Variants in PDK3 observed in about 807,000 individuals in gnomAD.
The protein encoded by PDK3 is pyruvate dehydrogenase kinase 3.
PDK3 carries 12 observed loss-of-function variants against 32.0 expected under a neutral mutation model. That is an observed-to-expected ratio of 0.37 (90% CI 0.24 to 0.61). PDK3 has a LOEUF of 0.61. PDK3 is among the 20% of genes least tolerant of loss of function. PDK3 has a pLI of 0.65. For missense variants in PDK3, 188 were observed against 316.9 expected, an observed-to-expected ratio of 0.59 and a Z score of 3.09; for synonymous variants, 122 against 116.3, an observed-to-expected ratio of 1.05 and a Z score of -0.31.
intron 1 of PDK3, among the ~76,000 whole-genome samples, chrX:24,492,180 T>A (rs1042503984): frequency 8.9e-6 from 1 of 112,417 alleles, no homozygotes; most frequent in African/African-American, 3.2e-5. Flanking sequence ...TTATTGCATT[T>A]AAAATTAAAA....
chrX:24,501,486 G>A lies in PDK3; in HGVS notation c.321-1841G>A, dbSNP rs776689845. 7.1e-5 allele frequency among the ~76,000 whole-genome samples: 8 copies of A among 112,856 alleles called. No homozygotes were observed. In the South Asian group the frequency reaches 2.5e-3, roughly 36 times the overall value. On this transcript the variant is annotated intron_variant, in intron 3 of 10. Transcript: ENST00000379162. ...CCCAGCACTTTGGGAGGCCAAGGCG[G>A]GCGGATCACCTGAGGCCAGGAGTTC... is the stretch of plus-strand genomic sequence containing the variant.
intron 2 of PDK3, 134 bp downstream of exon 2, chrX:24,495,017 C>A: frequency 4.0e-6 from 2 of 499,421 alleles, no homozygotes; most frequent in Non-Finnish European, 6.5e-6. Context: ...CTGGGTTTTC[C>A]ATGCAATTAA....
intron 3 of PDK3, 35 bp downstream of exon 3, chrX:24,498,935 AT>A: frequency 1.2e-6 from 1 of 857,041 alleles, no homozygotes; most frequent in Non-Finnish European, 1.6e-6. Flanking sequence ...AAGTAAAAAT[AT>A]CTAGGTAAGA....
At position 24,499,698 on chromosome X, in the gene PDK3, A is replaced by G. The variant is rs143508783; in HGVS notation, c.320+798A>G. Among the ~76,000 whole-genome samples the G allele has an allele frequency of 7.1e-3, 794 of 112,291 alleles. 4 individuals carry two copies. Among genetic ancestry groups the G allele is most frequent in the Non-Finnish European group, 0.013 (674 of 53,278 alleles). On this transcript the variant is annotated intron_variant, in intron 3 of 10. Coordinates refer to ENST00000379162, the MANE Select transcript of PDK3 (RefSeq NM_005391.5). ...TTAACCCAGTCCTCTCAATCCACAGATAAGGAAACTGAGTTCAGAGATGTG... is the reference window on the plus strand; with the variant it reads ...TTAACCCAGTCCTCTCAATCCACAGGTAAGGAAACTGAGTTCAGAGATGTG...
intron 3 of PDK3, among the ~76,000 whole-genome samples, chrX:24,499,697 G>T (rs1481522991): frequency 8.9e-6 from 1 of 112,119 alleles, no homozygotes; most frequent in African/African-American, 3.2e-5. Context: ...TCAATCCACA[G>T]ATAAGGAAAC....
chrX:24,516,528 C>T (rs967699829), intron 5 of PDK3, among the ~76,000 whole-genome samples: 1 of 111,642 alleles, frequency 9.0e-6, no homozygotes, highest in African/African-American at 3.3e-5. Context: ...AAATGAGATC[C>T]TGATACATGC....
chrX:24,525,246 G>A (rs899006790), intron 6 of PDK3, among the ~76,000 whole-genome samples: 5 of 111,536 alleles, frequency 4.5e-5, no homozygotes, highest in African/African-American at 1.3e-4. Context: ...GTCTGGTTTC[G>A]GTGCCACTTC....
chrX:24,536,978 T>G (rs1208951057), downstream of PDK3, among the ~76,000 whole-genome samples: 1 of 111,655 alleles, frequency 9.0e-6, no homozygotes, highest in Non-Finnish European at 1.9e-5. Context: ...AGCTGGATCC[T>G]TAGTGTTCTA....
chrX:24,538,550 G>A (rs1367464679), downstream of PDK3, among the ~76,000 whole-genome samples: 3 of 111,910 alleles, frequency 2.7e-5, no homozygotes, highest in Admixed American at 9.5e-5. Flanking sequence ...AGGCCATGGC[G>A]GGTGGATCAC....
chrX:24,542,389 C>T (rs925934828), exon 12 of PDK3, among the ~76,000 whole-genome samples: 4 of 112,484 alleles, frequency 3.6e-5, no homozygotes, highest in African/African-American at 1.3e-4. Context: ...ACAGGTATAT[C>T]GGTTTTTTGT....
At chrX:24,529,910 T>C (rs976632611) in intron 9 of PDK3, among the ~76,000 whole-genome samples, 2 of 112,310 alleles carry the variant, frequency 1.8e-5, no homozygotes, top group African/African-American at 6.5e-5. Context: ...TGCATTTCTG[T>C]TTGAGAATAT....
chrX:24,473,297 C>A (rs1324661780), intron 1 of PDK3, among the ~76,000 whole-genome samples: 1 of 106,967 alleles, frequency 9.3e-6, no homozygotes, highest in African/African-American at 3.4e-5. Flanking sequence ...TTACTTGAAC[C>A]TGGGAGGTGG....
chrX:24,538,045 A>G (rs1388635255), downstream of PDK3, among the ~76,000 whole-genome samples: 1 of 112,534 alleles, frequency 8.9e-6, no homozygotes, highest in Non-Finnish European at 1.9e-5. Context: ...AGTTGATTCA[A>G]ACTGCTCAAA....
At chrX:24,539,023 G>C, downstream of PDK3, 1 of 506,206 alleles carries the variant, frequency 2.0e-6, no homozygotes, top group South Asian at 3.0e-5. Context: ...CTGAGATATG[G>C]CAAGGGTTTT....
chrX:24,506,226 A>T (rs999977764), intron 5 of PDK3, among the ~76,000 whole-genome samples: 27 of 111,666 alleles, frequency 2.4e-4, no homozygotes, highest in Non-Finnish European at 4.1e-4. Flanking sequence ...GTCACAACAG[A>T]TTTACTCACA....
At chrX:24,535,264 A>G (rs954595687), downstream of PDK3, among the ~76,000 whole-genome samples, 11 of 111,926 alleles carry the variant, frequency 9.8e-5, no homozygotes, top group African/African-American at 3.6e-4. Flanking sequence ...CAGCACTTTG[A>G]GAGGCCGAGG....
At chrX:24,487,399 C>T (rs1232680290) in intron 1 of PDK3, among the ~76,000 whole-genome samples, 2 of 111,707 alleles carry the variant, frequency 1.8e-5, no homozygotes, top group African/African-American at 6.5e-5. Flanking sequence ...GAAGTGGGCG[C>T]GGGTTGAAAA....
Position 24,524,987 on chromosome X carries a change from T to C in PDK3, c.674-1211T>C, listed in dbSNP as rs748772355. Among the ~76,000 whole-genome samples the C allele has an allele frequency of 7.0e-3, 766 of 110,084 alleles. 5 individuals carry two copies. The highest frequency in any genetic ancestry group is 0.024 in the African/African-American group (738 of 30,240). On this transcript the variant is annotated intron_variant, in intron 6 of 10. Coordinates refer to ENST00000379162, the MANE Select transcript of PDK3 (RefSeq NM_005391.5). ...GCCTGTCCAACATGGCAAAACCCCG[T>C]CTCTACTAAAAATACAAAAATTAGC...
intron 9 of PDK3, among the ~76,000 whole-genome samples, chrX:24,529,917 A>G (rs1241699761): frequency 4.5e-5 from 5 of 112,088 alleles, no homozygotes; most frequent in Non-Finnish European, 9.4e-5. Flanking sequence ...CTGTTTGAGA[A>G]TATCCACCCA....
Sources: allele counts gnomAD v4.1 joint callset (sites outside exome capture counted in the v4.1 genomes callset), GRCh38; gene constraint gnomAD v4.1.1; transcripts MANE v1.5; gene names NCBI Gene and HGNC (gene_info 2026-07-23, HGNC 2026-07-21).